Variants in C1orf21 observed in about 807,000 individuals in gnomAD.
C1orf21 encodes chromosome 1 open reading frame 21.
In C1orf21, 3 loss-of-function variants were observed where a neutral mutation model predicts 18.7. The observed-to-expected ratio is 0.16, with a 90% CI of 0.07 to 0.42. C1orf21 has a LOEUF of 0.42. Ranked by LOEUF, C1orf21 falls within the 10% of genes least tolerant of loss-of-function variation. C1orf21 has a pLI of 0.99. For synonymous variants in C1orf21, 41 were observed against 46.4 expected (o/e 0.88, Z 0.47); for missense variants, 104 against 143.6 (o/e 0.72, Z 1.41).
At chr1:184,575,984 A>G (rs934849688) in intron 3 of C1orf21, among the ~76,000 whole-genome samples, 1 of 152,188 alleles carries the variant, frequency 6.6e-6, no homozygotes, top group Non-Finnish European at 1.5e-5. Context: ...GGTGACAAGC[A>G]AAAATGGGAG....
intron 3 of C1orf21, among the ~76,000 whole-genome samples, chr1:184,558,454 C>A (rs909104741): frequency 5.9e-5 from 9 of 152,098 alleles, no homozygotes; most frequent in African/African-American, 2.2e-4. Context: ...ATCTTATATG[C>A]CAGGAATTCC....
chr1:184,616,092 A>G (rs958100406), intron 5 of C1orf21, among the ~76,000 whole-genome samples: 4 of 152,216 alleles, frequency 2.6e-5, no homozygotes, highest in African/African-American at 9.6e-5. Flanking sequence ...GCACAAGGTA[A>G]TCGCCTCTGG....
At chr1:184,427,808 T>C (rs1465220910) in intron 1 of C1orf21, among the ~76,000 whole-genome samples, 1 of 152,140 alleles carries the variant, frequency 6.6e-6, no homozygotes, top group Non-Finnish European at 1.5e-5. Flanking sequence ...TTATCTTTCT[T>C]CTCCTCCCAC....
chr1:184,562,462 G>A (rs1241935064), intron 3 of C1orf21, among the ~76,000 whole-genome samples: 1 of 152,184 alleles, frequency 6.6e-6, no homozygotes, highest in Non-Finnish European at 1.5e-5. Context: ...TGTTCACTGA[G>A]TTCCTTTTGC....
intron 1 of C1orf21, among the ~76,000 whole-genome samples, chr1:184,441,585 A>G (rs1317478187): frequency 6.6e-6 from 1 of 152,238 alleles, no homozygotes; most frequent in African/African-American, 2.4e-5. Context: ...CTAAGCACAT[A>G]CATGACTTCA....
intron 2 of C1orf21, among the ~76,000 whole-genome samples, chr1:184,504,362 C>A (rs1310482860): frequency 6.6e-6 from 1 of 152,162 alleles, no homozygotes; most frequent in Non-Finnish European, 1.5e-5. Flanking sequence ...GACCCTCTGG[C>A]TGTAACGGTG....
intron 1 of C1orf21, among the ~76,000 whole-genome samples, chr1:184,442,253 G>C (rs1009778916): frequency 6.6e-6 from 1 of 152,180 alleles, no homozygotes; most frequent in African/African-American, 2.4e-5. Flanking sequence ...CAATCATCAT[G>C]ATCATAGAAT....
At chr1:184,602,985 GC>G (rs1289890753) in intron 5 of C1orf21, among the ~76,000 whole-genome samples, 1 of 152,146 alleles carries the variant, frequency 6.6e-6, no homozygotes, top group African/African-American at 2.4e-5. Context: ...ACTTTGTTGG[GC>G]CTTGTACATC....
chr1:184,583,353 G>GA, intron 3 of C1orf21, among the ~76,000 whole-genome samples: 1 of 152,280 alleles, frequency 6.6e-6, no homozygotes, highest in East Asian at 1.9e-4. Flanking sequence ...TCAAGCAAAG[G>GA]AAAAAATTGT....
intron 1 of C1orf21, among the ~76,000 whole-genome samples, chr1:184,451,580 C>T (rs933824589): frequency 8.1e-5 from 12 of 148,478 alleles, no homozygotes; most frequent in Non-Finnish European, 1.5e-4. Flanking sequence ...GTTGGGATTA[C>T]AAGCATGAGC....
chr1:184,487,240 C>A (rs894635265), intron 2 of C1orf21, among the ~76,000 whole-genome samples: 5 of 152,224 alleles, frequency 3.3e-5, no homozygotes, highest in Non-Finnish European at 7.3e-5. Flanking sequence ...CTCCAGGCAG[C>A]CCCTACCTGG....
chr1:184,504,195 T>G (rs1191325740), intron 2 of C1orf21, among the ~76,000 whole-genome samples: 1 of 152,186 alleles, frequency 6.6e-6, no homozygotes, highest in East Asian at 1.9e-4. Flanking sequence ...GGAGTCAGCC[T>G]ACTGTTCCCG....
intron 2 of C1orf21, among the ~76,000 whole-genome samples, chr1:184,504,446 A>C (rs1485383042): frequency 1.3e-5 from 2 of 152,120 alleles, no homozygotes; most frequent in East Asian, 1.9e-4. Context: ...CCATGTCTTC[A>C]ACAAAAGGAA....
intron 1 of C1orf21, among the ~76,000 whole-genome samples, chr1:184,455,573 C>G (rs1037314277): frequency 6.6e-6 from 1 of 152,122 alleles, no homozygotes; most frequent in Non-Finnish European, 1.5e-5. Flanking sequence ...TGTTTTTTCC[C>G]TTTGGGGACA....
chr1:184,391,204 A>G, intron 1 of C1orf21, among the ~76,000 whole-genome samples: 1 of 152,248 alleles, frequency 6.6e-6, no homozygotes, highest in Non-Finnish European at 1.5e-5. Context: ...TAGGATAAAC[A>G]TAGAAATGAG....
At chr1:184,476,127 G>T (rs1378907455) in intron 1 of C1orf21, among the ~76,000 whole-genome samples, 1 of 152,090 alleles carries the variant, frequency 6.6e-6, no homozygotes, top group African/African-American at 2.4e-5. Context: ...AGATTTTATG[G>T]CTTAAATGAT....
chr1:184,602,478 A>AC (rs1455520449), intron 5 of C1orf21, among the ~76,000 whole-genome samples: 1 of 152,154 alleles, frequency 6.6e-6, no homozygotes, highest in African/African-American at 2.4e-5. Context: ...TCGTTATTCC[A>AC]CTGGAATCTA....
At chr1:184,405,258 C>T (rs994680814) in intron 1 of C1orf21, among the ~76,000 whole-genome samples, 9 of 152,040 alleles carry the variant, frequency 5.9e-5, no homozygotes, top group Middle Eastern at 3.4e-3. Flanking sequence ...TGCAGTGGCA[C>T]GATCACAGCT....
intron 2 of C1orf21, among the ~76,000 whole-genome samples, chr1:184,494,850 T>G (rs1324633044): frequency 4.0e-5 from 6 of 151,462 alleles, no homozygotes; most frequent in South Asian, 2.1e-4. Flanking sequence ...TTTTGCTTTT[T>G]TTTTTTTTTT....
Sources: allele counts gnomAD v4.1 joint callset (sites outside exome capture counted in the v4.1 genomes callset), GRCh38; gene constraint gnomAD v4.1.1; transcripts MANE v1.5; gene names NCBI Gene and HGNC (gene_info 2026-07-23, HGNC 2026-07-21).